The following RPH3A variants were observed in gnomAD, a reference collection of about 807,000 sequenced individuals.
RPH3A encodes rabphilin 3A, also known as rabphilin-3A.
Under a neutral mutation model 102.2 loss-of-function variants are expected in RPH3A, and 48 were observed. The observed-to-expected ratio is 0.47, with a 90% CI of 0.37 to 0.60. The LOEUF is 0.60. Among genes scored for constraint, RPH3A ranks in the 20% least tolerant of loss-of-function variants. The pLI, the probability that RPH3A is intolerant of heterozygous loss-of-function variation, is 0.00. For missense variants in RPH3A, 781 were observed against 910.1 expected (o/e 0.86, Z 1.83); for synonymous variants, 310 against 324.3 (o/e 0.96, Z 0.47).
chr12:112,587,094 A>G (rs16942117), intron 1 of RPH3A, among the ~76,000 whole-genome samples: 15,792 of 152,276 alleles, frequency 0.1, 962 homozygotes, highest in South Asian at 0.34. Flanking sequence ...TTTATAAACT[A>G]TAAAATGCAA....
At chr12:112,841,483 A>G (rs975541950) in intron 4 of RPH3A, among the ~76,000 whole-genome samples, 2 of 152,160 alleles carry the variant, frequency 1.3e-5, no homozygotes, top group Admixed American at 1.3e-4. Context: ...AACCTCTCTG[A>G]ACCTTGGTAC....
At chr12:112,763,944 C>T (rs1453485212) in intron 1 of RPH3A, among the ~76,000 whole-genome samples, 1 of 152,210 alleles carries the variant, frequency 6.6e-6, no homozygotes, top group Non-Finnish European at 1.5e-5. Context: ...TGTCCGTCCC[C>T]TGTCCTGTTA....
At chr12:112,891,499 T>C (rs1257483689) in intron 19 of RPH3A, among the ~76,000 whole-genome samples, 1 of 152,154 alleles carries the variant, frequency 6.6e-6, no homozygotes, top group African/African-American at 2.4e-5. Context: ...GAGAAGAAGA[T>C]GCCAAAATAG....
chr12:112,765,908 C>G (rs1162143569), intron 1 of RPH3A, among the ~76,000 whole-genome samples: 2 of 152,208 alleles, frequency 1.3e-5, no homozygotes, highest in Admixed American at 1.3e-4. Context: ...TTTTAGAACT[C>G]AATGGCAGGA....
At chr12:112,884,829 A>G (rs2136253265) in intron 16 of RPH3A, among the ~76,000 whole-genome samples, 1 of 152,344 alleles carries the variant, frequency 6.6e-6, no homozygotes, top group East Asian at 1.9e-4. Flanking sequence ...GGCTTAAGGA[A>G]TGGAACATTC....
intron 2 of RPH3A, among the ~76,000 whole-genome samples, chr12:112,812,448 T>C (rs2041594569): frequency 6.6e-6 from 1 of 152,166 alleles, no homozygotes; most frequent in Non-Finnish European, 1.5e-5. Flanking sequence ...GAAGAAAGAA[T>C]GGATTGAAGA....
intron 1 of RPH3A, among the ~76,000 whole-genome samples, chr12:112,614,384 A>G (rs1034526129): frequency 6.6e-6 from 1 of 152,038 alleles, no homozygotes; most frequent in Non-Finnish European, 1.5e-5. Context: ...AAGTTGATGC[A>G]TATAAGATCC....
chr12:112,677,305 A>G (rs75190864), intron 1 of RPH3A, among the ~76,000 whole-genome samples: 1 of 151,084 alleles, frequency 6.6e-6, no homozygotes, highest in Non-Finnish European at 1.5e-5. Context: ...GAGCTTTCGC[A>G]GCACATAGGT....
intron 1 of RPH3A, among the ~76,000 whole-genome samples, chr12:112,639,615 AC>A (rs1252278803): frequency 6.6e-6 from 1 of 152,118 alleles, no homozygotes; most frequent in Non-Finnish European, 1.5e-5. Context: ...TATGTAACAA[AC>A]CTGCACATGT....
At chr12:112,879,324 T>G in intron 14 of RPH3A, 126 bp downstream of exon 14, 1 of 829,038 alleles carries the variant, frequency 1.2e-6, no homozygotes, top group South Asian at 1.8e-5. Context: ...GTGACGGTGA[T>G]GAGAAGAGTC....
chr12:112,848,465 C>T (rs2042268723), intron 5 of RPH3A, among the ~76,000 whole-genome samples: 1 of 152,184 alleles, frequency 6.6e-6, no homozygotes, highest in East Asian at 1.9e-4. Flanking sequence ...GCCAGCTCCC[C>T]ACTTGCCTGC....
At chr12:112,883,778 A>G (rs1271151581) in intron 16 of RPH3A, among the ~76,000 whole-genome samples, 3 of 152,180 alleles carry the variant, frequency 2.0e-5, no homozygotes, top group African/African-American at 7.2e-5. Context: ...CACTGATGCC[A>G]TTTCACATTC....
At chr12:112,883,067 A>G (rs992331682) in intron 15 of RPH3A, among the ~76,000 whole-genome samples, 2 of 152,122 alleles carry the variant, frequency 1.3e-5, no homozygotes, top group African/African-American at 2.4e-5. Flanking sequence ...GGCTTAGTGC[A>G]TGGAGGGAGA....
chr12:112,756,570 G>A (rs1393062524), intron 1 of RPH3A, among the ~76,000 whole-genome samples: 1 of 152,100 alleles, frequency 6.6e-6, no homozygotes, highest in Non-Finnish European at 1.5e-5. Context: ...CCATAAATAT[G>A]TACAATTATG....
At chr12:112,718,570 G>A (rs112864583) in intron 1 of RPH3A, among the ~76,000 whole-genome samples, 1,550 of 152,300 alleles carry the variant, frequency 0.01, 27 homozygotes, top group African/African-American at 0.036. Context: ...ACCCTTCCAT[G>A]GGGGAGTGTG....
chr12:112,646,009 A>T (rs1187393492), intron 1 of RPH3A, among the ~76,000 whole-genome samples: 1 of 152,296 alleles, frequency 6.6e-6, no homozygotes, highest in East Asian at 1.9e-4. Flanking sequence ...GAGGTTAATA[A>T]CAGTACCTGC....
intron 16 of RPH3A, among the ~76,000 whole-genome samples, chr12:112,885,773 T>G (rs1347148750): frequency 6.6e-6 from 1 of 152,222 alleles, no homozygotes; most frequent in African/African-American, 2.4e-5. Context: ...CAAATTATAC[T>G]CTTTTCACTA....
chr12:112,755,517 C>T (rs780273213), intron 1 of RPH3A, among the ~76,000 whole-genome samples: 3 of 152,082 alleles, frequency 2.0e-5, no homozygotes, highest in Non-Finnish European at 4.4e-5. Context: ...CTTGCTTTGG[C>T]CAATTGGATG....
upstream of RPH3A, among the ~76,000 whole-genome samples, chr12:112,789,887 CAAAAAAAAA>C (rs144494791): frequency 1.4e-5 from 1 of 70,790 alleles, no homozygotes; most frequent in East Asian, 3.8e-4. Flanking sequence ...CCCATCTCTG[CAAAAAAAAA>C]AAAAAAAAAA....
Sources: gnomAD v4.1 joint callset for allele counts (sites outside exome capture counted in the v4.1 genomes callset) on GRCh38, gnomAD v4.1.1 for gene constraint, MANE v1.5 for transcripts, NCBI Gene and HGNC (gene_info 2026-07-23, HGNC 2026-07-21) for gene names.